Variants in NAA35 observed in about 807,000 individuals in gnomAD.
NAA35 encodes the protein N-alpha-acetyltransferase 35, NatC auxiliary subunit, also known as MAK10 homolog, amino-acid N-acetyltransferase subunit.
NAA35 carries 18 observed loss-of-function variants against 101.7 expected under a neutral mutation model. The observed-to-expected ratio is 0.18, with a 90% CI of 0.12 to 0.26. NAA35 has a LOEUF of 0.26. NAA35 is among the 10% of genes least tolerant of loss of function. The pLI is 1.00. For synonymous variants in NAA35, 267 were observed against 273.1 expected (o/e 0.98, Z 0.22); for missense variants, 601 against 886.8 (o/e 0.68, Z 4.09).
At chr9:85,980,685 G>T (rs528556151) in intron 11 of NAA35, among the ~76,000 whole-genome samples, 2 of 152,048 alleles carry the variant, frequency 1.3e-5, no homozygotes, top group African/African-American at 2.4e-5. Context: ...GCATATTGTT[G>T]GCACTCAGAT....
chr9:85,966,936 G>A (rs1322680541), intron 6 of NAA35, among the ~76,000 whole-genome samples: 8 of 152,132 alleles, frequency 5.3e-5, no homozygotes, highest in Non-Finnish European at 1.0e-4. Flanking sequence ...GCGAAACCCC[G>A]TCTCTACTGA....
At chr9:85,941,543 TG>T (rs945516117) in intron 1 of NAA35, 3 of 985,366 alleles carry the variant, frequency 3.0e-6, no homozygotes, top group Non-Finnish European at 3.6e-6. Context: ...ATGCGCCCAG[TG>T]GGACCGGGGC....
At chr9:85,957,192 G>A (rs986636076) in intron 3 of NAA35, among the ~76,000 whole-genome samples, 1 of 152,120 alleles carries the variant, frequency 6.6e-6, no homozygotes, top group African/African-American at 2.4e-5. Flanking sequence ...CACATATTTT[G>A]TATGTCATAT....
intron 2 of NAA35, among the ~76,000 whole-genome samples, chr9:85,949,335 C>G (rs867109384): frequency 6.7e-6 from 1 of 148,606 alleles, no homozygotes; most frequent in African/African-American, 2.5e-5. Flanking sequence ...ACTCTTGTTG[C>G]CCATGCTGGA....
intron 16 of NAA35, 30 bp from the exon 17 acceptor site, chr9:86,013,689 A>G: frequency 6.3e-7 from 1 of 1,581,914 alleles, no homozygotes; most frequent in Non-Finnish European, 8.6e-7. Context: ...AAACAAAACG[A>G]ACACAGTTTA....
intron 21 of NAA35, among the ~76,000 whole-genome samples, chr9:86,019,711 T>C (rs1832427318): frequency 6.6e-6 from 1 of 152,232 alleles, no homozygotes; most frequent in South Asian, 2.1e-4. Flanking sequence ...TACATACTGT[T>C]TTGGGAAGTA....
At chr9:85,987,136 G>T (rs2118157525) in intron 11 of NAA35, 1 of 152,362 alleles carries the variant, frequency 6.6e-6, no homozygotes, top group South Asian at 2.1e-4. Context: ...TAACTAAGAG[G>T]AAATGGAAGA....
chr9:86,005,613 T>C (rs892936599), intron 13 of NAA35, among the ~76,000 whole-genome samples: 4 of 152,204 alleles, frequency 2.6e-5, no homozygotes, highest in African/African-American at 9.6e-5. Flanking sequence ...TAGAACTGAT[T>C]AGTGAATTTA....
rs746951863 is a variant in NAA35, at chr9:86,013,274, A to T, written c.1389+130A>T. 7 of 515,444 alleles carry T rather than the reference A, an allele frequency of 1.4e-5. No individual in the cohort carries two copies. In the Admixed American group the frequency reaches 1.4e-4, roughly 10 times the overall value. 31.9% of individuals were successfully genotyped at this position (515,444 alleles called of 1,614,324 possible). A position where few individuals can be genotyped will look rare whatever the true frequency, so the allele number is the denominator to read the frequency against. ...ATGATCCACTTTTCACTTAAAATAT[A>T]ACAGTTTCTTACACCAACGTTTACA... On this transcript the variant is annotated intron_variant, in intron 16 of 22. Coordinates refer to ENST00000361671, the MANE Select transcript of NAA35 (RefSeq NM_024635.4).
rs533400367 is a variant in NAA35 at position 85,942,367 on chromosome 9, G to A, written c.124+84G>A. 9 of 1,530,024 alleles carry A rather than the reference G, an allele frequency of 5.9e-6. No individual in the cohort carries two copies. The African/African-American group carries it at 1.1e-4, about 19-fold the overall frequency. 94.8% of individuals were successfully genotyped at this position (1,530,024 alleles called of 1,614,324 possible). ...GCTTTCTAAACTTACCTCATTAGAT[G>A]AAATCAACAGGTAAATGTGGTTTGT... is the stretch of plus-strand genomic sequence containing the variant. On this transcript the variant is annotated intron_variant, in intron 2 of 22. Transcript: ENST00000361671.
At chr9:85,999,941 A>G (rs1831343099) in intron 12 of NAA35, among the ~76,000 whole-genome samples, 1 of 152,224 alleles carries the variant, frequency 6.6e-6, no homozygotes, top group African/African-American at 2.4e-5. Flanking sequence ...ATCTACATAT[A>G]AACCCATATC....
Position 85,996,596 on chromosome 9 carries a change from T to A in NAA35, c.1056+19T>A. 1 of 1,500,668 alleles carries A rather than the reference T, an allele frequency of 6.7e-7. No homozygotes were observed. Among genetic ancestry groups the A allele is most frequent in the South Asian group, 1.3e-5 (1 of 74,308 alleles). 93.0% of individuals were successfully genotyped at this position (1,500,668 alleles called of 1,614,324 possible). ...TATCCTGGTAAGTACAAATCTCTGT[T>A]CCAGAATGTAACTTCCATTTAAAAA... On this transcript the variant is annotated intron_variant, in intron 12 of 22. Coordinates refer to ENST00000361671, the MANE Select transcript of NAA35 (RefSeq NM_024635.4).
At chr9:85,984,058 G>A (rs981488759) in intron 11 of NAA35, among the ~76,000 whole-genome samples, 1 of 150,114 alleles carries the variant, frequency 6.7e-6, no homozygotes, top group Admixed American at 6.6e-5. Context: ...GGATGTGGTA[G>A]CCCATGCCTG....
At chr9:85,983,247 T>A (rs897726499) in intron 11 of NAA35, among the ~76,000 whole-genome samples, 4 of 152,298 alleles carry the variant, frequency 2.6e-5, no homozygotes, top group Admixed American at 2.0e-4. Context: ...TGATTCCCCA[T>A]CTGCTCCTCT....
At chr9:86,009,790 G>T in intron 14 of NAA35, 75 bp from the exon 15 acceptor site, 1 of 1,016,512 alleles carries the variant, frequency 9.8e-7, no homozygotes, top group Non-Finnish European at 1.5e-6. Flanking sequence ...TCTGTCATTT[G>T]GTAGCATCTG....
chr9:86,018,842 A>G, intron 21 of NAA35, 21 bp downstream of exon 21: 10 of 1,605,732 alleles, frequency 6.2e-6, no homozygotes, highest in Non-Finnish European at 8.5e-6. Context: ...ATTCACAGTA[A>G]TTCTAGGGGA....
chr9:85,988,461 C>T (rs1233906798), intron 11 of NAA35, among the ~76,000 whole-genome samples: 1 of 152,108 alleles, frequency 6.6e-6, no homozygotes, highest in African/African-American at 2.4e-5. Flanking sequence ...TGAGAGATCT[C>T]ATTGAAAATA....
In NAA35 at chr9:85,970,407, T is replaced by C. The variant is rs937773182; in HGVS notation, c.517-4560T>C. On this transcript the variant is annotated intron_variant, in intron 6 of 22. Transcript: ENST00000361671. ...AGGATATATACCTAGTCTCAAAATA[T>C]CTTTCCACCAGATACTTATTAATTA... Among the ~76,000 whole-genome samples, 8 of 152,280 alleles carry C rather than the reference T, an allele frequency of 5.3e-5. No individual in the cohort carries two copies. In the East Asian group the frequency reaches 1.2e-3, roughly 22 times the overall value.
chr9:85,941,462 G>T, intron 1 of NAA35, 189 bp downstream of exon 1: 1 of 985,550 alleles, frequency 1.0e-6, no homozygotes, highest in Non-Finnish European at 1.2e-6. Flanking sequence ...CTCTTGCCCG[G>T]TGTTGCCGAG....
Sources: allele counts gnomAD v4.1 joint callset (sites outside exome capture counted in the v4.1 genomes callset), GRCh38; gene constraint gnomAD v4.1.1; transcripts MANE v1.5; gene names NCBI Gene and HGNC (gene_info 2026-07-23, HGNC 2026-07-21).